Variants in STPG2 observed in about 807,000 individuals in gnomAD.
STPG2 encodes sperm-tail PG-rich repeat-containing protein 2.
STPG2 carries 56 observed loss-of-function variants against 54.2 expected under a neutral mutation model. The ratio of observed to expected loss-of-function variants is 1.03; its 90% CI spans 0.83 to 1.29. STPG2 has a LOEUF of 1.29. Ranked by LOEUF, STPG2 falls within the 50% of genes most tolerant of loss-of-function variation. The pLI is 0.00. For missense variants in STPG2, 596 were observed against 544.9 expected (o/e 1.09, Z -0.93); for synonymous variants, 200 against 181.8 (o/e 1.10, Z -0.81).
intron 4 of STPG2, among the ~76,000 whole-genome samples, chr4:97,453,171 T>C (rs1729421011): frequency 6.6e-6 from 1 of 152,186 alleles, no homozygotes; most frequent in African/African-American, 2.4e-5. Flanking sequence ...GTGCCTGGCA[T>C]CTCCAAGCTT....
chr4:97,497,890 T>G (rs1560633538), intron 4 of STPG2, among the ~76,000 whole-genome samples: 1 of 151,896 alleles, frequency 6.6e-6, no homozygotes, highest in Non-Finnish European at 1.5e-5. Context: ...TTCTATTATT[T>G]ATTCCATTCT....
chr4:97,692,845 T>C (rs1289988312), intron 10 of STPG2, among the ~76,000 whole-genome samples: 1 of 151,972 alleles, frequency 6.6e-6, no homozygotes, highest in Non-Finnish European at 1.5e-5. Flanking sequence ...TAACAGGAGA[T>C]TTCTAAGCAG....
intron 5 of STPG2, among the ~76,000 whole-genome samples, chr4:98,031,641 T>C (rs932245608): frequency 2.0e-5 from 3 of 151,922 alleles, no homozygotes; most frequent in Non-Finnish European, 4.4e-5. Context: ...GCCGAGATCA[T>C]GCCACCGCAC....
rs1733858264 is a variant in STPG2, at chr4:97,616,057, A to ATAT, written c.1321-56941_1321-56940insATA. Among the ~76,000 whole-genome samples, 102 of 37,388 alleles carry ATAT rather than the reference A, an allele frequency of 2.7e-3. 8 individuals carry two copies. The highest frequency in any genetic ancestry group is 8.7e-3 in the African/African-American group (96 of 11,052). The allele number at this position is 37,388 out of a possible 152,430, so 24.5% of individuals were successfully genotyped here. A position where few individuals can be genotyped will look rare whatever the true frequency, so the allele number is the denominator to read the frequency against. ...GTCTCAAAAAAAAAAAATACATATAAATATATATATATATATATATATATA... is the reference window on the plus strand; with the variant it reads ...GTCTCAAAAAAAAAAAATACATATAATATATATATATATATATATATATATATA... On this transcript the variant is annotated intron_variant, in intron 10 of 10. Coordinates refer to ENST00000295268, the MANE Select transcript of STPG2 (RefSeq NM_174952.3).
intron 9 of STPG2, among the ~76,000 whole-genome samples, chr4:97,716,520 A>T (rs1269281201): frequency 1.3e-5 from 2 of 152,018 alleles, no homozygotes; most frequent in Admixed American, 6.6e-5. Context: ...ATGCAGGTAT[A>T]AAAAAAGGAT....
intron 5 of STPG2, among the ~76,000 whole-genome samples, chr4:98,018,313 C>T (rs1273073464): frequency 6.6e-6 from 1 of 152,078 alleles, no homozygotes. Context: ...TGATGATTTC[C>T]AGTTTCATCC....
intron 10 of STPG2, among the ~76,000 whole-genome samples, chr4:97,673,867 T>C (rs1257187705): frequency 6.6e-6 from 1 of 152,194 alleles, no homozygotes; most frequent in African/African-American, 2.4e-5. Flanking sequence ...TGCAATGAAA[T>C]TTCTCATTTT....
intron 6 of STPG2, among the ~76,000 whole-genome samples, chr4:97,977,679 G>A (rs1734541432): frequency 1.3e-5 from 2 of 152,126 alleles, no homozygotes; most frequent in African/African-American, 2.4e-5. Flanking sequence ...TCCATGCATT[G>A]GTCAAGAAAG....
chr4:97,553,905 C>T (rs940039608), downstream of STPG2, among the ~76,000 whole-genome samples: 5 of 152,142 alleles, frequency 3.3e-5, no homozygotes, highest in African/African-American at 4.8e-5. Flanking sequence ...ATCTCATTAT[C>T]TCAATTTTAA....
chr4:97,814,590 G>A (rs947707076), intron 9 of STPG2, among the ~76,000 whole-genome samples: 7 of 152,136 alleles, frequency 4.6e-5, no homozygotes, highest in Non-Finnish European at 1.5e-5. Flanking sequence ...ATTGAAGGAT[G>A]CAAAGTATTG....
intron 5 of STPG2, among the ~76,000 whole-genome samples, chr4:98,051,959 A>T (rs783930): frequency 0.86 from 130,365 of 151,748 alleles, 56,144 homozygotes; most frequent in Middle Eastern, 0.97. Context: ...TGGTGGTGCA[A>T]GCCTATAATC....
intron 5 of STPG2, among the ~76,000 whole-genome samples, chr4:98,014,775 T>G (rs956954201): frequency 3.9e-5 from 6 of 152,188 alleles, no homozygotes; most frequent in Non-Finnish European, 7.3e-5. Context: ...CCCTCTAGTG[T>G]TTCTTGTAAG....
intron 10 of STPG2, among the ~76,000 whole-genome samples, chr4:97,668,630 A>AAGGAAGGAAAGAAGGAAGAAAGG (rs1316749119): frequency 3.2e-4 from 48 of 150,440 alleles, no homozygotes; most frequent in Non-Finnish European, 5.2e-4. Context: ...AGAATAAAGG[A>AAGGAAGGAAAGAAGGAAGAAAGG]AGGAAGGAAA....
chr4:97,686,023 A>T (rs1392814488), intron 10 of STPG2, among the ~76,000 whole-genome samples: 1 of 152,226 alleles, frequency 6.6e-6, no homozygotes, highest in Non-Finnish European at 1.5e-5. Flanking sequence ...AGATGAGGTC[A>T]GAGAACGTGG....
chr4:97,867,447 G>A (rs1421084517), intron 8 of STPG2, among the ~76,000 whole-genome samples: 3 of 151,876 alleles, frequency 2.0e-5, no homozygotes, highest in African/African-American at 7.3e-5. Flanking sequence ...GATGCATTCT[G>A]TAAATTCTCA....
intron 4 of STPG2, among the ~76,000 whole-genome samples, chr4:97,549,350 C>A (rs1192844025): frequency 6.6e-6 from 1 of 152,138 alleles, no homozygotes; most frequent in Non-Finnish European, 1.5e-5. Context: ...CTGACTTGCT[C>A]AAAATTAGTT....
chr4:98,075,414 G>A (rs1399373551), intron 5 of STPG2, among the ~76,000 whole-genome samples: 1 of 152,194 alleles, frequency 6.6e-6, no homozygotes, highest in African/African-American at 2.4e-5. Flanking sequence ...ACTGCTGGAA[G>A]ATTTTACTAG....
At chr4:97,562,684 C>A (rs1178214319) in intron 10 of STPG2, among the ~76,000 whole-genome samples, 1 of 152,148 alleles carries the variant, frequency 6.6e-6, no homozygotes, top group Admixed American at 6.5e-5. Context: ...GCCTTTTCTG[C>A]ATCTATTGAG....
intron 9 of STPG2, among the ~76,000 whole-genome samples, chr4:97,789,572 G>A (rs1726929650): frequency 6.6e-6 from 1 of 152,076 alleles, no homozygotes; most frequent in Admixed American, 6.6e-5. Flanking sequence ...AACTGTAAGT[G>A]CCATACACTT....
Sources: allele counts gnomAD v4.1 joint callset (sites outside exome capture counted in the v4.1 genomes callset), GRCh38; gene constraint gnomAD v4.1.1; transcripts MANE v1.5; gene names NCBI Gene and HGNC (gene_info 2026-07-23, HGNC 2026-07-21).